The following ZNF607 variants were observed in gnomAD, a reference collection of about 807,000 sequenced individuals.
ZNF607 encodes the protein zinc finger protein 607.
Under a neutral mutation model 12.8 loss-of-function variants are expected in ZNF607, and 5 were observed. That is an observed-to-expected ratio of 0.39 (90% CI 0.20 to 0.82). The LOEUF is 0.82. ZNF607 is among the 40% of genes least tolerant of loss of function. The pLI is 0.39. For synonymous variants in ZNF607, 287 were observed against 276.2 expected, an observed-to-expected ratio of 1.04 and a Z score of -0.39; for missense variants, 851 against 859.2, an observed-to-expected ratio of 0.99 and a Z score of 0.12.
At position 37,697,526 on chromosome 19, in the gene ZNF607, G is replaced by A. The variant is rs200511504; in HGVS notation, c.*514C>T. ...TCATTTATATATGATCCCCAGAAGG[G>A]ATAAATATCTTCCCCCATATCATCC... On this transcript the variant is annotated 3_prime_UTR_variant, in exon 5 of 5. Transcript: ENST00000355202. 4.2e-4 allele frequency: 230 copies of A among 547,672 alleles called. 2 individuals are homozygous for A. In the East Asian group the frequency reaches 7.4e-3, roughly 18 times the overall value. The allele number at this position is 547,672 out of a possible 1,614,324, so 33.9% of individuals were successfully genotyped here. A position where few individuals can be genotyped will look rare whatever the true frequency, so the allele number is the denominator to read the frequency against.
Position 37,699,809 on chromosome 19 carries a change from G to C in ZNF607, c.322C>G (p.His108Asp), listed in dbSNP as rs1165288779. The change falls in exon 5 of 5, where the codon CAT (histidine) becomes GAT (aspartate). Residue 108 changes from histidine (H) to aspartate (D), a missense_variant. Physicochemically the swap from His to Asp is moderately conservative, Grantham distance 81 (BLOSUM62 -1). Transcript: ENST00000355202. Reference protein sequence around the residue: ...HSCVTLHQRIHNGQKPYECKQ... With the variant: ...HSCVTLHQRIDNGQKPYECKQ... ...CACTCATATGGTTTCTGTCCATTAT[G>C]AATTCTCTGATGGAGAGTAACACAT... 6.2e-7 allele frequency: 1 copy of C among 1,613,876 alleles called. No individual in the cohort carries two copies. Among genetic ancestry groups the C allele is most frequent in the Admixed American group, 1.7e-5 (1 of 59,992 alleles).
rs778820135 is a variant in ZNF607 at position 37,698,317 on chromosome 19, A to G, written c.1814T>C (p.Ile605Thr). 9 of 1,614,018 alleles carry G rather than the reference A, an allele frequency of 5.6e-6. No individual in the cohort carries two copies. The highest frequency in any genetic ancestry group is 6.8e-6 in the Non-Finnish European group (8 of 1,179,976). The change falls in exon 5 of 5, where the codon ATT (isoleucine) becomes ACT (threonine). Residue 605 changes from isoleucine (I) to threonine (T), a missense_variant. By Grantham distance (89) the Ile-to-Thr change is moderately conservative (BLOSUM62 -1). Coordinates refer to ENST00000355202, the MANE Select transcript of ZNF607 (RefSeq NM_032689.5). ...GETFSHASHL[I>T]IHERIHTSDK... ...ACTGGTATGAATTCTCTCATGAATAATAAGATGTGAAGCATGACTAAAAGT... is the reference window on the plus strand; with the variant it reads ...ACTGGTATGAATTCTCTCATGAATAGTAAGATGTGAAGCATGACTAAAAGT...
chr19:37,707,074 C>T (rs1260103364), intron 4 of ZNF607, among the ~76,000 whole-genome samples: 2 of 152,204 alleles, frequency 1.3e-5, no homozygotes, highest in African/African-American at 2.4e-5. Flanking sequence ...GATCTGCCCG[C>T]CTCGGCCTAC....
chr19:37,709,671 A>T, intron 3 of ZNF607, 25 bp downstream of exon 3: 1 of 1,606,760 alleles, frequency 6.2e-7, no homozygotes, highest in Non-Finnish European at 8.5e-7. Context: ...AATTATTCTA[A>T]ATCATTCCAG....
At position 37,711,592 on chromosome 19, in the gene ZNF607, C is replaced by A. The variant is rs757593535; in HGVS notation, c.9+18G>T. The stretch of plus-strand genomic sequence containing the variant: ...AAATCACACACAAACCTCCACATGG[C>A]GAGAAATATCAACTTACATAGGACA... On this transcript the variant is annotated intron_variant, in intron 2 of 4. Transcript: ENST00000355202. 2 of 1,613,546 alleles carry A rather than the reference C, an allele frequency of 1.2e-6. No homozygotes were observed. The highest frequency in any genetic ancestry group is 1.3e-5 in the African/African-American group (1 of 75,026).
intron 2 of ZNF607, among the ~76,000 whole-genome samples, chr19:37,710,135 ATAGAG>A (rs2045120759): frequency 6.6e-6 from 1 of 150,950 alleles, no homozygotes; most frequent in Non-Finnish European, 1.5e-5. Context: ...AGCCTGGGCA[ATAGAG>A]CGAGACTCCG....
Position 37,697,128 on chromosome 19 carries a change from A to G in ZNF607, c.*912T>C, listed in dbSNP as rs530464967. On this transcript the variant is annotated 3_prime_UTR_variant, in exon 5 of 5. Coordinates refer to ENST00000355202, the MANE Select transcript of ZNF607 (RefSeq NM_032689.5). ...AGTGATGGGCCGGAAGAGGATGCAC[A>G]GTGTGATGTTGACATTCTGTAAATC... 9 of 747,100 alleles carry G rather than the reference A, an allele frequency of 1.2e-5. No individual in the cohort carries two copies. In the East Asian group the frequency reaches 2.0e-4, roughly 17 times the overall value. 46.3% of individuals were successfully genotyped at this position (747,100 alleles called of 1,614,324 possible).
chr19:37,706,003 C>A (rs2045079868), intron 4 of ZNF607, among the ~76,000 whole-genome samples: 1 of 152,084 alleles, frequency 6.6e-6, no homozygotes, highest in Non-Finnish European at 1.5e-5. Flanking sequence ...GAATTTGACA[C>A]CAGCCTGGCC....
rs199805373 is a variant in ZNF607 at position 37,699,255 on chromosome 19, C to T, written c.876G>A (p.Gln292=). 6.2e-7 allele frequency: 1 copy of T among 1,613,982 alleles called. No individual in the cohort carries two copies. The highest frequency in any genetic ancestry group is 1.1e-5 in the South Asian group (1 of 91,066). The part of the protein sequence containing the change: ...ECKECGKAFR[Q]FSHLVGHKRI... ...TTTTATGACCCACAAGGTGGGAAAA[C>T]TGACGAAAGGCCTTTCCACATTCCT... The change falls in exon 5 of 5, where the codon CAG becomes CAA. Residue 292 remains glutamine (Q), a synonymous_variant. Transcript: ENST00000355202.
intron 1 of ZNF607, among the ~76,000 whole-genome samples, chr19:37,712,507 T>C (rs765880736): frequency 6.6e-5 from 10 of 152,114 alleles, no homozygotes; most frequent in Non-Finnish European, 1.3e-4. Flanking sequence ...CAAGACTCTG[T>C]CTCCAAGAAA....
chr19:37,697,313 C>T lies in ZNF607; in HGVS notation c.*727G>A. Reference sequence around the variant, plus strand: ...AGATGGCAGCTCTGTGCCCAGCATCCACATTACATAAGGCAGAGTTCACCA... The same window carrying T: ...AGATGGCAGCTCTGTGCCCAGCATCTACATTACATAAGGCAGAGTTCACCA... On this transcript the variant is annotated 3_prime_UTR_variant, in exon 5 of 5. Coordinates refer to ENST00000355202, the MANE Select transcript of ZNF607 (RefSeq NM_032689.5). The T allele has an allele frequency of 9.3e-7, 1 of 1,079,632 alleles. No homozygotes were observed. The allele number at this position is 1,079,632 out of a possible 1,614,324, so 66.9% of individuals were successfully genotyped here. A position where few individuals can be genotyped will look rare whatever the true frequency, so the allele number is the denominator to read the frequency against.
At position 37,696,638 on chromosome 19, in the gene ZNF607, G is replaced by A. The variant is rs2044976849; in HGVS notation, c.*1402C>T. 2 of 637,896 alleles carry A rather than the reference G, an allele frequency of 3.1e-6. No homozygotes were observed. Among genetic ancestry groups the A allele is most frequent in the Non-Finnish European group, 5.8e-6 (2 of 342,748 alleles). 39.5% of individuals were successfully genotyped at this position (637,896 alleles called of 1,614,324 possible). A position where few individuals can be genotyped will look rare whatever the true frequency, so the allele number is the denominator to read the frequency against. ...GGGCCTCACTAGGGCAGCTGGAGGA[G>A]CACGGACTGCCCTGCCGGCAGGCAG... On this transcript the variant is annotated 3_prime_UTR_variant, in exon 5 of 5. Transcript: ENST00000355202.
chr19:37,696,916 GC>G lies in ZNF607; in HGVS notation c.*1123del. ...GTCAAAGACACGTCGTCCAGAATGA[GC>G]CCAAAGGTGGCTGCTCACTCCATAA... On this transcript the variant is annotated 3_prime_UTR_variant, in exon 5 of 5. Transcript: ENST00000355202. The G allele has an allele frequency of 1.5e-6, 1 of 673,738 alleles. No individual in the cohort carries two copies. Among genetic ancestry groups the G allele is most frequent in the Non-Finnish European group, 2.7e-6 (1 of 369,698 alleles). 41.7% of individuals were successfully genotyped at this position (673,738 alleles called of 1,614,324 possible). A position where few individuals can be genotyped will look rare whatever the true frequency, so the allele number is the denominator to read the frequency against.
At chr19:37,714,831 A>G (rs1026475232) in intron 1 of ZNF607, among the ~76,000 whole-genome samples, 1 of 152,194 alleles carries the variant, frequency 6.6e-6, no homozygotes, top group Non-Finnish European at 1.5e-5. Context: ...CATTATCATC[A>G]AATGTTAAAA....
Position 37,698,146 on chromosome 19 carries a change from A to T in ZNF607, c.1985T>A (p.Ile662Lys), listed in dbSNP as rs1315944756. ...KAFNSSHELS[I>K]HHRVHTGEKP... is the part of the protein sequence containing the mutation. ...CTCACCAGTATGAACTCTATGATGT[A>T]TACTAAGTTCATGGCTACTATTAAA... is the stretch of plus-strand genomic sequence containing the variant. The change falls in exon 5 of 5, where the codon ATA becomes AAA. Residue 662 changes from isoleucine to lysine, a missense_variant. By Grantham distance (102) the Ile-to-Lys change is moderately radical. Transcript: ENST00000355202. 1 of 1,614,122 alleles carries T rather than the reference A, an allele frequency of 6.2e-7. No homozygotes were observed. The highest frequency in any genetic ancestry group is 2.2e-5 in the East Asian group (1 of 44,870).
Position 37,699,487 on chromosome 19 carries a change from T to G in ZNF607, c.644A>C (p.His215Pro), listed in dbSNP as rs763539688. 6.2e-6 allele frequency: 10 copies of G among 1,613,850 alleles called. No individual in the cohort carries two copies. Among genetic ancestry groups the G allele is most frequent in the Non-Finnish European group, 8.5e-6 (10 of 1,179,902 alleles). ...AFRTSRQLTV[H>P]HRFHYGEKPY... ...TTTCTCACCATAATGAAATCTATGA[T>G]GTACAGTAAGTTGACGGCTAGTCCT... is the stretch of plus-strand genomic sequence containing the variant. Residue 215 changes from histidine to proline, a missense_variant, in exon 5 of 5, where the codon CAT becomes CCT. Physicochemically the swap from His to Pro is moderately conservative, Grantham distance 77 (BLOSUM62 -2). Coordinates refer to ENST00000355202, the MANE Select transcript of ZNF607 (RefSeq NM_032689.5).
chr19:37,708,011 T>C lies in ZNF607; in HGVS notation c.138A>G (p.Ala46=). ...AATCTGGCTTAGATACGGAATGTCC[T>C]GCTTACAAAGAAAAGAAGTGCCACA... is the stretch of plus-strand genomic sequence containing the variant. The part of the protein sequence containing the change: ...MENYDNLVSL[A]GHSVSKPDLI... Residue 46 remains alanine, a splice_region_variant and synonymous_variant, in exon 4 of 5, where the codon GCA becomes GCG. Coordinates refer to ENST00000355202, the MANE Select transcript of ZNF607 (RefSeq NM_032689.5). The C allele has an allele frequency of 6.2e-7, 1 of 1,606,866 alleles. No homozygotes were observed. The highest frequency in any genetic ancestry group is 1.3e-5 in the African/African-American group (1 of 74,686).
intron 1 of ZNF607, among the ~76,000 whole-genome samples, chr19:37,712,183 A>G (rs1482060070): frequency 2.0e-5 from 3 of 152,248 alleles, no homozygotes; most frequent in South Asian, 2.1e-4. Context: ...ATAACAGACT[A>G]TCACTGTCCT....
intron 4 of ZNF607, among the ~76,000 whole-genome samples, chr19:37,704,864 T>A (rs2045067823): frequency 6.6e-6 from 1 of 151,986 alleles, no homozygotes; most frequent in Admixed American, 6.6e-5. Flanking sequence ...GGCAGGAGAA[T>A]GGCGTGAACC....
Sources: gnomAD v4.1 joint callset for allele counts (sites outside exome capture counted in the v4.1 genomes callset) on GRCh38, gnomAD v4.1.1 for gene constraint, MANE v1.5 for transcripts, NCBI Gene and HGNC (gene_info 2026-07-23, HGNC 2026-07-21) for gene names.